HECTD4: variants seen among roughly 807,000 people sequenced by gnomAD.
HECTD4 encodes HECT domain E3 ubiquitin protein ligase 4, also known as probable E3 ubiquitin-protein ligase HECTD4.
Under a neutral mutation model 471.5 loss-of-function variants are expected in HECTD4, and 114 were observed. That is an observed-to-expected ratio of 0.24 (90% CI 0.21 to 0.28). The LOEUF (loss-of-function observed/expected upper bound fraction) is 0.28. HECTD4 is among the 10% of genes least tolerant of loss of function. HECTD4 has a pLI of 1.00. For synonymous variants in HECTD4, 2,012 were observed against 2,256.0 expected, an observed-to-expected ratio of 0.89 and a Z score of 3.07; for missense variants, 3,866 against 5,651.5, an observed-to-expected ratio of 0.68 and a Z score of 10.13.
intron 7 of HECTD4, among the ~76,000 whole-genome samples, chr12:112,288,456 TA>T (rs1443863790): frequency 6.6e-6 from 1 of 151,244 alleles, no homozygotes; most frequent in Admixed American, 6.6e-5. Context: ...ACTCAGTCTA[TA>T]AAAAAAATAT....
chr12:112,291,266 T>C (rs2034879317), intron 7 of HECTD4, among the ~76,000 whole-genome samples: 1 of 152,164 alleles, frequency 6.6e-6, no homozygotes, highest in African/African-American at 2.4e-5. Flanking sequence ...TTTTGACATA[T>C]TTGCTTCATC....
In HECTD4 at chr12:112,194,738, A is replaced by G; in HGVS notation, c.8749+147T>C. The G allele has an allele frequency of 1.4e-6, 1 of 692,672 alleles. No homozygotes were observed. The highest frequency in any genetic ancestry group is 2.4e-6 in the Non-Finnish European group (1 of 416,408). The allele number at this position is 692,672 out of a possible 1,614,324, so 42.9% of individuals were successfully genotyped here. ...CGAAGAGTGAGAAAGCCCTGCCAGG[A>G]GAATCCCAGTTCCTGCGTGCAATTT... On this transcript the variant is annotated intron_variant, in intron 56 of 75. Transcript: ENST00000682272. The surrounding 1 kb of genome is among the most constrained non-coding windows in gnomAD (Gnocchi z 4.6).
At position 112,163,268 on chromosome 12, in the gene HECTD4, G is replaced by C; in HGVS notation, c.12898-4C>G. On this transcript the variant is annotated splice_region_variant and splice_polypyrimidine_tract_variant and intron_variant, in intron 74 of 75. Transcript: ENST00000682272. This position sits in a 1 kb window ranked among gnomAD's most constrained non-coding sequence, Gnocchi z 8.2. Reference sequence around the variant, plus strand: ...CCACTTGGTACATGGTGTGGGCCTGGGGAGGAGAGGTCCAGGTGTCAGGAG... The same window carrying C: ...CCACTTGGTACATGGTGTGGGCCTGCGGAGGAGAGGTCCAGGTGTCAGGAG... The C allele has an allele frequency of 6.2e-7, 1 of 1,608,860 alleles. No individual in the cohort carries two copies. Among genetic ancestry groups the C allele is most frequent in the East Asian group, 2.2e-5 (1 of 44,812 alleles).
intron 1 of HECTD4, among the ~76,000 whole-genome samples, chr12:112,367,137 A>G (rs926480405): frequency 6.6e-6 from 1 of 151,374 alleles, no homozygotes; most frequent in Non-Finnish European, 1.5e-5. Flanking sequence ...CCCCATCTCC[A>G]CCAAAAATAC....
intron 62 of HECTD4, among the ~76,000 whole-genome samples, chr12:112,182,206 C>T (rs1458512012): frequency 6.6e-6 from 1 of 151,880 alleles, no homozygotes; most frequent in Non-Finnish European, 1.5e-5. Context: ...TGACTCACGC[C>T]TATAGTCCTA....
At position 112,256,473 on chromosome 12, in the gene HECTD4, C is replaced by G. The variant is rs1253252531; in HGVS notation, c.3174G>C (p.Lys1058Asn). 1 of 1,603,440 alleles carries G rather than the reference C, an allele frequency of 6.2e-7. No individual in the cohort carries two copies. Among genetic ancestry groups the G allele is most frequent in the Non-Finnish European group, 8.5e-7 (1 of 1,176,294 alleles). ...TTCCAGCAGCCCATGGGGCAGGAAT[C>G]TTTAAACCAGTGAGAAATCCTGGCT... ...KEEPGFLTGL[K>N]IPAPWAAGKT... The change falls in exon 21 of 76, where the codon AAG (lysine) becomes AAC (asparagine). Residue 1058 changes from lysine to asparagine, a missense_variant. Around this residue, in one of 16 missense-constraint regions of HECTD4, gnomAD observed 525 missense variants for 672.6 expected, o/e 0.78. Transcript: ENST00000682272.
At chr12:112,169,406 C>T (rs2031122969) in intron 70 of HECTD4, 97 bp downstream of exon 70, 1 of 1,322,080 alleles carries the variant, frequency 7.6e-7, no homozygotes, top group Admixed American at 2.5e-5. Flanking sequence ...GAGGATGTGG[C>T]TTTTACTCTT....
intron 70 of HECTD4, among the ~76,000 whole-genome samples, chr12:112,168,291 T>C (rs145650898): frequency 1.1e-4 from 16 of 152,320 alleles, no homozygotes; most frequent in Admixed American, 8.5e-4. Context: ...GTTTGGTCCA[T>C]GTCTGTCCCT....
chr12:112,235,518 T>C lies in HECTD4; in HGVS notation c.5711A>G (p.Asp1904Gly). Residue 1904 changes from aspartate (D) to glycine (G), a missense_variant, in exon 36 of 76, where the codon GAT becomes GGT. Around this residue, in one of 16 missense-constraint regions of HECTD4, gnomAD observed 617 missense variants for 915.1 expected, o/e 0.67. Transcript: ENST00000682272. The surrounding 1 kb of genome is among the most constrained non-coding windows in gnomAD (Gnocchi z 5.0). ...GAGCTTCTCACCTGGAACCACATAA[T>C]CTGCCAGCTTTGCTAAGAGCAGGGA... is the stretch of plus-strand genomic sequence containing the variant. ...IASLLLAKLA[D>G]YVVPGCQTVL... 1 of 1,611,168 alleles carries C rather than the reference T, an allele frequency of 6.2e-7. No homozygotes were observed. The highest frequency in any genetic ancestry group is 1.1e-5 in the South Asian group (1 of 90,814).
Position 112,227,007 on chromosome 12 carries a change from C to T in HECTD4, c.6855-249G>A, listed in dbSNP as rs568790711. On this transcript the variant is annotated intron_variant, in intron 43 of 75. Transcript: ENST00000682272. The stretch of plus-strand genomic sequence containing the variant: ...AAGAGAAAAATGGTTGCCATCACCA[C>T]TAAATGGAGATACAAAGTGCCAGGT... Among the ~76,000 whole-genome samples the T allele has an allele frequency of 2.1e-4, 32 of 152,284 alleles. No individual in the cohort carries two copies. In the South Asian group the frequency reaches 6.2e-3, roughly 30 times the overall value.
In HECTD4 at chr12:112,179,121, G is replaced by A. The variant is rs762494555; in HGVS notation, c.11212-39C>T. On this transcript the variant is annotated intron_variant, in intron 63 of 75. Coordinates refer to ENST00000682272, the MANE Select transcript of HECTD4 (RefSeq NM_001388303.1). This position sits in a 1 kb window ranked among gnomAD's most constrained non-coding sequence, Gnocchi z 4.3. Reference sequence around the variant, plus strand: ...AGGCAGCGGGGAGGCTCTCAGGTTCGCCCTGCAGGGCACCCAAGGCCCGGC... The same window carrying A: ...AGGCAGCGGGGAGGCTCTCAGGTTCACCCTGCAGGGCACCCAAGGCCCGGC... The A allele has an allele frequency of 3.2e-5, 52 of 1,613,494 alleles. 1 individual carries two copies. The highest frequency in any genetic ancestry group is 2.8e-4 in the African/African-American group (21 of 74,930).
At chr12:112,294,975 C>A (rs2034973091) in intron 7 of HECTD4, among the ~76,000 whole-genome samples, 1 of 151,862 alleles carries the variant, frequency 6.6e-6, no homozygotes, top group Admixed American at 6.6e-5. Context: ...ATTCATTTAG[C>A]AAATATTTAA....
At chr12:112,338,918 C>T (rs768641339) in intron 1 of HECTD4, among the ~76,000 whole-genome samples, 25 of 152,236 alleles carry the variant, frequency 1.6e-4, no homozygotes, top group Non-Finnish European at 2.6e-4. Context: ...ACCAAGAATA[C>T]GCCCCTATGA....
At chr12:112,233,283 G>A (rs531660533) in intron 37 of HECTD4, among the ~76,000 whole-genome samples, 198 bp from the exon 38 acceptor site, 48 of 146,948 alleles carry the variant, frequency 3.3e-4, no homozygotes, top group African/African-American at 5.6e-4. Context: ...GTGCAGTGGC[G>A]TGATCACAGC....
At chr12:112,170,183 A>T (rs2031156543) in intron 69 of HECTD4, 150 bp downstream of exon 69, 6 of 1,109,328 alleles carry the variant, frequency 5.4e-6, no homozygotes, top group Non-Finnish European at 6.4e-6. Flanking sequence ...GGGACCTTCC[A>T]GCAGGAAGCC....
chr12:112,283,385 T>C, intron 7 of HECTD4, 83 bp from the exon 8 acceptor site: 2 of 1,094,826 alleles, frequency 1.8e-6, no homozygotes, highest in Non-Finnish European at 2.6e-6. Context: ...TTATTGTGAG[T>C]AAATAAAAAA....
intron 53 of HECTD4, 60 bp from the exon 54 acceptor site, chr12:112,203,832 C>T (rs751775108): frequency 1.1e-4 from 115 of 1,088,628 alleles, no homozygotes; most frequent in Non-Finnish European, 1.4e-4. Context: ...TGGGTTCTTA[C>T]ATTTAGCATC....
At chr12:112,299,799 G>T (rs2035124738) in intron 7 of HECTD4, among the ~76,000 whole-genome samples, 1 of 152,152 alleles carries the variant, frequency 6.6e-6, no homozygotes, top group South Asian at 2.1e-4. Context: ...TTAATGTAGA[G>T]CAGGTTCCTT....
At chr12:112,371,125 G>T (rs2036658887) in intron 1 of HECTD4, among the ~76,000 whole-genome samples, 1 of 152,128 alleles carries the variant, frequency 6.6e-6, no homozygotes, top group Non-Finnish European at 1.5e-5. Context: ...GAGCCAACAG[G>T]TAGTATTTTA....
Sources: allele counts gnomAD v4.1 joint callset (sites outside exome capture counted in the v4.1 genomes callset), GRCh38; gene constraint gnomAD v4.1.1; regional missense constraint gnomAD v4.1.1; non-coding constraint Gnocchi (gnomAD v3.1); transcripts MANE v1.5; gene names NCBI Gene and HGNC (gene_info 2026-07-23, HGNC 2026-07-21).